OCA2: variants seen among roughly 807,000 people sequenced by gnomAD.
OCA2 encodes the protein P protein.
A neutral mutation model predicts 100.2 loss-of-function variants in OCA2; 77 were observed. The ratio of observed to expected loss-of-function variants is 0.77; its 90% CI spans 0.64 to 0.93. OCA2 has a LOEUF of 0.93. OCA2 is among the 40% of genes least tolerant of loss of function. The pLI, the probability that OCA2 is intolerant of heterozygous loss-of-function variation, is 0.00. For synonymous variants in OCA2, 432 were observed against 439.2 expected (o/e 0.98, Z 0.21); for missense variants, 1,062 against 1,089.1 (o/e 0.98, Z 0.35).
At chr15:27,791,916 G>A (rs748478617) in intron 23 of OCA2, among the ~76,000 whole-genome samples, 4 of 152,202 alleles carry the variant, frequency 2.6e-5, no homozygotes, top group Non-Finnish European at 5.9e-5. Flanking sequence ...TAATCTGAAT[G>A]TTTCTCAAGC....
intron 23 of OCA2, among the ~76,000 whole-genome samples, chr15:27,777,386 T>C (rs1343976878): frequency 6.6e-6 from 1 of 152,210 alleles, no homozygotes; most frequent in Non-Finnish European, 1.5e-5. Flanking sequence ...GTTTTTTCTC[T>C]GCTTCTACAT....
intron 1 of OCA2, among the ~76,000 whole-genome samples, chr15:28,091,074 T>C (rs899506246): frequency 1.3e-5 from 2 of 152,198 alleles, no homozygotes; most frequent in South Asian, 2.1e-4. Flanking sequence ...TTTACAACTT[T>C]ACATACATAA....
In OCA2 at chr15:28,081,791, G is replaced by A. The variant is rs141803386; in HGVS notation, c.84C>T (p.Leu28=). 84 of 1,612,816 alleles carry A rather than the reference G, an allele frequency of 5.2e-5. No individual in the cohort carries two copies. The African/African-American group carries it at 5.9e-4, about 11-fold the overall frequency. The change falls in exon 2 of 24, where the codon CTC becomes CTT. Residue 28 remains leucine, a synonymous_variant. Coordinates refer to ENST00000354638, the MANE Select transcript of OCA2 (RefSeq NM_000275.3). The stretch of plus-strand genomic sequence containing the variant: ...TGCGCTTGCCGGCCACAAGTTCAGC[G>A]AGTCCGCTGGGCACGGACGTCTGCA... ...ELLQTSVPSG[L]AELVAGKRRL...
chr15:28,036,346 T>G (rs982509060), intron 2 of OCA2, among the ~76,000 whole-genome samples: 1 of 152,172 alleles, frequency 6.6e-6, no homozygotes, highest in African/African-American at 2.4e-5. Flanking sequence ...GTGCCCATGG[T>G]CCTTTTGCTG....
At chr15:28,083,503 A>G (rs2044716237) in intron 1 of OCA2, among the ~76,000 whole-genome samples, 1 of 152,216 alleles carries the variant, frequency 6.6e-6, no homozygotes, top group Non-Finnish European at 1.5e-5. Flanking sequence ...CATTGGTTTT[A>G]GACAGTGGCT....
intron 23 of OCA2, among the ~76,000 whole-genome samples, chr15:27,828,872 G>A (rs1039302487): frequency 1.3e-5 from 2 of 152,174 alleles, no homozygotes; most frequent in African/African-American, 4.8e-5. Context: ...CAGAGCAAAG[G>A]CCAAATGCTG....
chr15:27,903,978 G>T (rs2038068463), intron 19 of OCA2, among the ~76,000 whole-genome samples: 1 of 152,130 alleles, frequency 6.6e-6, no homozygotes, highest in Admixed American at 6.6e-5. Flanking sequence ...TTAATGAGGG[G>T]ATTTTTAAAA....
At chr15:27,995,929 C>T (rs2041712113) in intron 9 of OCA2, among the ~76,000 whole-genome samples, 1 of 151,780 alleles carries the variant, frequency 6.6e-6, no homozygotes, top group African/African-American at 2.4e-5. Flanking sequence ...TCTCCTGCCT[C>T]AGCCTCCCAA....
intron 5 of OCA2, among the ~76,000 whole-genome samples, chr15:28,023,457 C>A (rs140075764): frequency 6.6e-6 from 1 of 152,270 alleles, no homozygotes; most frequent in African/African-American, 2.4e-5. Context: ...CCTGCACGCA[C>A]GCAGAGCCAC....
the OCA2 span, among the ~76,000 whole-genome samples, chr15:27,722,806 C>CTCTT: frequency 2.1e-5 from 3 of 140,418 alleles, no homozygotes; most frequent in Non-Finnish European, 3.1e-5. Flanking sequence ...CTCTCTTTCT[C>CTCTT]TCTCTCTTTC....
At chr15:27,875,735 CT>C (rs940819091) in intron 19 of OCA2, among the ~76,000 whole-genome samples, 7 of 150,654 alleles carry the variant, frequency 4.6e-5, no homozygotes, top group Non-Finnish European at 8.9e-5. Context: ...CTTGAGCATA[CT>C]TTTTTTTTAA....
chr15:27,881,811 C>A (rs115871543), intron 19 of OCA2, among the ~76,000 whole-genome samples: 24 of 152,224 alleles, frequency 1.6e-4, no homozygotes, highest in African/African-American at 5.8e-4. Flanking sequence ...TTGATTCTTT[C>A]AAAATACCAA....
At chr15:28,051,778 G>A (rs758912729) in intron 2 of OCA2, among the ~76,000 whole-genome samples, 11 of 151,532 alleles carry the variant, frequency 7.3e-5, no homozygotes, top group South Asian at 2.1e-4. Flanking sequence ...GGGTGCAGGC[G>A]GGGACCATGG....
intron 9 of OCA2, among the ~76,000 whole-genome samples, chr15:27,994,022 T>C (rs1426340358): frequency 1.3e-5 from 2 of 152,194 alleles, no homozygotes; most frequent in African/African-American, 4.8e-5. Flanking sequence ...AAAAAATTTC[T>C]GGTAAATGGA....
chr15:27,903,743 T>C (rs2038058880), intron 19 of OCA2, among the ~76,000 whole-genome samples: 1 of 152,238 alleles, frequency 6.6e-6, no homozygotes, highest in Non-Finnish European at 1.5e-5. Flanking sequence ...CTGGACAAAC[T>C]GCACTCGCAT....
chr15:28,095,288 CCGCCCGGGTG>C (rs1226485950), intron 1 of OCA2, among the ~76,000 whole-genome samples: 2 of 152,162 alleles, frequency 1.3e-5, no homozygotes, highest in Non-Finnish European at 2.9e-5. Context: ...TGCGCACTCC[CCGCCCGGGTG>C]CGCCCGGGGG....
At chr15:27,903,424 A>G (rs1277040529) in intron 19 of OCA2, among the ~76,000 whole-genome samples, 6 of 152,216 alleles carry the variant, frequency 3.9e-5, no homozygotes, top group Non-Finnish European at 2.9e-5. Flanking sequence ...GGAGATGGAA[A>G]TGAAGACTGA....
At chr15:27,919,418 A>G (rs2038781798) in intron 19 of OCA2, among the ~76,000 whole-genome samples, 1 of 152,236 alleles carries the variant, frequency 6.6e-6, no homozygotes, top group African/African-American at 2.4e-5. Context: ...GTACATCCAG[A>G]CAATGGAATG....
the OCA2 span, among the ~76,000 whole-genome samples, chr15:27,724,337 G>C: frequency 3.1e-4 from 47 of 152,260 alleles, no homozygotes; most frequent in Middle Eastern, 3.4e-3. Context: ...CCCCTGGCTT[G>C]TAGGTGAGGC....
Sources: gnomAD v4.1 joint callset for allele counts (sites outside exome capture counted in the v4.1 genomes callset) on GRCh38, gnomAD v4.1.1 for gene constraint, MANE v1.5 for transcripts, NCBI Gene and HGNC (gene_info 2026-07-23, HGNC 2026-07-21) for gene names.